The following AHNAK2 variants were observed in gnomAD, a reference collection of about 807,000 sequenced individuals.
The protein encoded by AHNAK2 is protein AHNAK2.
In AHNAK2, 18 loss-of-function variants were observed where a neutral mutation model predicts 30.7. That is an observed-to-expected ratio of 0.59 (90% CI 0.41 to 0.87). AHNAK2 has a LOEUF of 0.87. Among genes scored for constraint, AHNAK2 ranks in the 40% least tolerant of loss-of-function variants. The pLI is 0.00. For missense variants in AHNAK2, 8,604 were observed against 7,373.0 expected (o/e 1.17, Z -6.11); for synonymous variants, 3,590 against 3,073.8 (o/e 1.17, Z -5.56).
At position 104,952,929 on chromosome 14, in the gene AHNAK2, G is replaced by A. The variant is rs1898824596; in HGVS notation, c.2522C>T (p.Pro841Leu). Residue 841 changes from proline (P) to leucine (L), a missense_variant, in exon 7 of 7, where the codon CCA becomes CTA. Pro to Leu is a moderately conservative substitution (Grantham distance 98, BLOSUM62 -3). Transcript: ENST00000333244. ...GCCTGGGGCCGACACCCCGAATGAT[G>A]GCATCTTGAACTTGGGCATTTTGAA... ...SKFKMPKFKM[P>L]SFGVSAPGKS... 2.5e-6 allele frequency: 4 copies of A among 1,611,468 alleles called. No homozygotes were observed. The highest frequency in any genetic ancestry group is 2.5e-6 in the Non-Finnish European group (3 of 1,179,210).
chr14:104,943,643 C>A lies in AHNAK2; in HGVS notation c.11808G>T (p.Val3936=). 1 of 1,613,484 alleles carries A rather than the reference C, an allele frequency of 6.2e-7. No individual in the cohort carries two copies. Among genetic ancestry groups the A allele is most frequent in the Middle Eastern group, 1.7e-4 (1 of 6,056 alleles). ...DVEVSLPSVE[V]DVEAPGAKLD... Reference sequence around the variant, plus strand: ...GCTTGGCTCCTGGGGCCTCGACGTCCACCTCCACGCTGGGCAGAGAAACCT... The same window carrying A: ...GCTTGGCTCCTGGGGCCTCGACGTCAACCTCCACGCTGGGCAGAGAAACCT... Residue 3936 remains valine, a synonymous_variant, in exon 7 of 7, where the codon GTG becomes GTT. Coordinates refer to ENST00000333244, the MANE Select transcript of AHNAK2 (RefSeq NM_138420.4).
At chr14:104,959,206 T>C (rs908310597) in intron 1 of AHNAK2, among the ~76,000 whole-genome samples, 1 of 152,156 alleles carries the variant, frequency 6.6e-6, no homozygotes, top group African/African-American at 2.4e-5. Context: ...GGAGTCTCAC[T>C]CTGTCACCCA....
In AHNAK2 at chr14:104,950,149, G is replaced by T. The variant is rs1383830817; in HGVS notation, c.5302C>A (p.Leu1768Met). ...TCCGCCTTGGGGCCTTTCAGGTCCA[G>T]CTTGGGGCCCTTGACGTCCATCTGG... ...GPQMDVKGPK[L>M]DLKGPKAEVM... Residue 1768 changes from leucine to methionine, a missense_variant, in exon 7 of 7, where the codon CTG (leucine) becomes ATG (methionine). Leu to Met is a conservative substitution (Grantham distance 15, BLOSUM62 2). Transcript: ENST00000333244. 4 of 1,586,342 alleles carry T rather than the reference G, an allele frequency of 2.5e-6. No individual in the cohort carries two copies. The highest frequency in any genetic ancestry group is 3.4e-6 in the Non-Finnish European group (4 of 1,162,956).
At chr14:104,964,945 C>G (rs1899257472) in intron 1 of AHNAK2, among the ~76,000 whole-genome samples, 1 of 152,240 alleles carries the variant, frequency 6.6e-6, no homozygotes, top group Non-Finnish European at 1.5e-5. Flanking sequence ...AGAAAACCCA[C>G]AAGAAGAACC....
rs1255274884 is a variant in AHNAK2 at position 104,950,352 on chromosome 14, TC to T, written c.5098del (p.Asp1700ThrfsTer2). Reference protein sequence around the residue: ...ADVSLPSMQGDLKTTDLSIQS... With the variant: ...ADVSLPSMQGXLKTTDLSIQS... ...AATGCTGAGGTCAGTGGTCTTCAGG[TC>T]CCCCTGCATGGAGGGGAGGCTCACA... On this transcript the variant is annotated frameshift_variant, in exon 7 of 7. Coordinates refer to ENST00000333244, the MANE Select transcript of AHNAK2 (RefSeq NM_138420.4). LOFTEE classifies it low-confidence loss of function (END_TRUNC). The T allele has an allele frequency of 6.3e-7, 1 of 1,584,636 alleles. No individual in the cohort carries two copies. Among genetic ancestry groups the T allele is most frequent in the African/African-American group, 1.4e-5 (1 of 71,790 alleles).
chr14:104,954,039 G>A lies in AHNAK2; in HGVS notation c.1412C>T (p.Thr471Ile). 6.2e-7 allele frequency: 1 copy of A among 1,613,572 alleles called. No homozygotes were observed. Among genetic ancestry groups the A allele is most frequent in the Non-Finnish European group, 8.5e-7 (1 of 1,179,794 alleles). The stretch of plus-strand genomic sequence containing the variant: ...TGGGCCAATCTGTGTGCCTCCTTCG[G>A]TTGTGTCTCTCAAGGACAGTCTGGC... ...GIARLSLRDT[T>I]EGGTQIGPPE... Residue 471 changes from threonine (T) to isoleucine (I), a missense_variant, in exon 7 of 7, where the codon ACC (threonine) becomes ATC (isoleucine). Transcript: ENST00000333244. The surrounding 1 kb of genome is among the most constrained non-coding windows in gnomAD (Gnocchi z 4.3).
Position 104,945,736 on chromosome 14 carries a change from C to T in AHNAK2, c.9715G>A (p.Val3239Ile). ...LQMPSFKMPK[V>I]DRKGPQIDIK... ...TCTATCTGGGGGCCCTTGCGATCTA[C>T]TTTGGGCATCTTGAAACTGGGCATC... Residue 3239 changes from valine to isoleucine, a missense_variant, in exon 7 of 7, where the codon GTA becomes ATA. Physicochemically the swap from Val to Ile is conservative, Grantham distance 29. Coordinates refer to ENST00000333244, the MANE Select transcript of AHNAK2 (RefSeq NM_138420.4). 4.4e-6 allele frequency: 7 copies of T among 1,598,658 alleles called. No individual in the cohort carries two copies. Among genetic ancestry groups the T allele is most frequent in the Non-Finnish European group, 5.1e-6 (6 of 1,171,410 alleles).
In AHNAK2 at chr14:104,949,679, G is replaced by T. The variant is rs748455945; in HGVS notation, c.5772C>A (p.Pro1924=). ...FKMPKVDLKG[P]QTDVKGAKLD... is the part of the protein sequence containing the mutation. Reference sequence around the variant, plus strand: ...GCTTGGCGCCCTTAACATCTGTCTGGGGGCCCTTGAGGTCCACTTTGGGCA... The same window carrying T: ...GCTTGGCGCCCTTAACATCTGTCTGTGGGCCCTTGAGGTCCACTTTGGGCA... Residue 1924 remains proline (P), a synonymous_variant, in exon 7 of 7, where the codon CCC becomes CCA. Transcript: ENST00000333244. 1 of 1,587,184 alleles carries T rather than the reference G, an allele frequency of 6.3e-7. No homozygotes were observed. The highest frequency in any genetic ancestry group is 8.6e-7 in the Non-Finnish European group (1 of 1,162,874).
At chr14:104,976,038 G>A (rs764287727) in intron 1 of AHNAK2, among the ~76,000 whole-genome samples, 10 of 152,182 alleles carry the variant, frequency 6.6e-5, no homozygotes, top group Non-Finnish European at 1.0e-4. Flanking sequence ...TTCCCAACAC[G>A]GTGGTGCTTT....
Position 104,949,982 on chromosome 14 carries a change from G to T in AHNAK2, c.5469C>A (p.Phe1823Leu), listed in dbSNP as rs375980238. 6 of 1,588,314 alleles carry T rather than the reference G, an allele frequency of 3.8e-6. 1 individual carries two copies. In the Middle Eastern group the frequency reaches 5.0e-4, roughly 131 times the overall value. The change falls in exon 7 of 7, where the codon TTC becomes TTA. Residue 1823 changes from phenylalanine (F) to leucine (L), a missense_variant. By Grantham distance (22) the Phe-to-Leu change is conservative. Transcript: ENST00000333244. ...DKDVTAKDSK[F>L]KMPKFKMPSF... ...ACGGCATCTTGAACTTGGGCATTTT[G>T]AACTTGCTGTCTTTGGCAGTCACAT...
chr14:104,939,835 C>T lies in AHNAK2; in HGVS notation c.15616G>A (p.Asp5206Asn). ...RMPSLRRSFR[D>N]RGGAGKLEVA... is the part of the protein sequence containing the mutation. The stretch of plus-strand genomic sequence containing the variant: ...TCCAGCTTTCCAGCCCCGCCTCTGT[C>T]CCTGAAAGAGCGCCTAAGGCTGGGC... The change falls in exon 7 of 7, where the codon GAC becomes AAC. Residue 5206 changes from aspartate (D) to asparagine (N), a missense_variant. Transcript: ENST00000333244. The T allele has an allele frequency of 6.2e-7, 1 of 1,613,894 alleles. No individual in the cohort carries two copies. The highest frequency in any genetic ancestry group is 1.1e-5 in the South Asian group (1 of 91,088).
Position 104,952,304 on chromosome 14 carries a change from C to A in AHNAK2, c.3147G>T (p.Gln1049His), listed in dbSNP as rs751743588. Residue 1049 changes from glutamine (Q) to histidine (H), a missense_variant, in exon 7 of 7, where the codon CAG becomes CAT. Transcript: ENST00000333244. ...GDLKTTDLSI[Q>H]PASTDLKVQA... is the part of the protein sequence containing the mutation. ...GGACCTTCAGGTCAGTAGAAGCAGG[C>A]TGAATGCTGAGGTCAGTGGTCTTCA... The A allele has an allele frequency of 6.2e-7, 1 of 1,612,368 alleles. No homozygotes were observed. The highest frequency in any genetic ancestry group is 2.2e-5 in the East Asian group (1 of 44,744).
chr14:104,963,204 G>C (rs1899199660), intron 1 of AHNAK2, among the ~76,000 whole-genome samples: 2 of 152,178 alleles, frequency 1.3e-5, no homozygotes, highest in Non-Finnish European at 2.9e-5. Context: ...TGTTCAATAA[G>C]TACAAGGAAA....
In AHNAK2 at chr14:104,944,484, G is replaced by C. The variant is rs374971326; in HGVS notation, c.10967C>G (p.Ser3656Cys). ...AGACACATCCACCGAGGCCTCCATG[G>C]ACTTCCCTGGGGCCGATACCCTGAA... Reference protein sequence around the residue: ...PSFRVSAPGKSMEASVDVSAP... With the variant: ...PSFRVSAPGKCMEASVDVSAP... Residue 3656 changes from serine to cysteine, a missense_variant, in exon 7 of 7, where the codon TCC becomes TGC. By Grantham distance (112) the Ser-to-Cys change is moderately radical (BLOSUM62 -1). Coordinates refer to ENST00000333244, the MANE Select transcript of AHNAK2 (RefSeq NM_138420.4). The C allele has an allele frequency of 6.2e-7, 1 of 1,612,924 alleles. No individual in the cohort carries two copies. The highest frequency in any genetic ancestry group is 1.3e-5 in the African/African-American group (1 of 74,650).
Position 104,937,911 on chromosome 14 carries a change from C to A in AHNAK2, c.*152G>T. The A allele has an allele frequency of 1.3e-6, 1 of 795,080 alleles. No individual in the cohort carries two copies. The highest frequency in any genetic ancestry group is 2.8e-5 in the East Asian group (1 of 36,020). The allele number at this position is 795,080 out of a possible 1,614,324, so 49.3% of individuals were successfully genotyped here. ...TTTTAGGAGGGCTGTGTGATGGTGA[C>A]AAAGGTGTTCTGGTCATTTCTGCTC... On this transcript the variant is annotated 3_prime_UTR_variant, in exon 7 of 7. Coordinates refer to ENST00000333244, the MANE Select transcript of AHNAK2 (RefSeq NM_138420.4).
Position 104,954,207 on chromosome 14 carries a change from C to G in AHNAK2, c.1244G>C (p.Arg415Thr). ...CEGTPQEGGL[R>T]AARLHGKTLE... ...GGTCTTTCCATGGAGCCTGGCTGCCCTGAGTCCCCCTTCCTGAGGGGTTCC... is the reference window on the plus strand; with the variant it reads ...GGTCTTTCCATGGAGCCTGGCTGCCGTGAGTCCCCCTTCCTGAGGGGTTCC... The change falls in exon 7 of 7, where the codon AGG becomes ACG. Residue 415 changes from arginine (R) to threonine (T), a missense_variant. Arg to Thr is a moderately conservative substitution (Grantham distance 71, BLOSUM62 -1). Transcript: ENST00000333244. This position sits in a 1 kb window ranked among gnomAD's most constrained non-coding sequence, Gnocchi z 4.3. 6.2e-7 allele frequency: 1 copy of G among 1,610,752 alleles called. No individual in the cohort carries two copies. Among genetic ancestry groups the G allele is most frequent in the South Asian group, 1.1e-5 (1 of 91,076 alleles).
In AHNAK2 at chr14:104,941,157, G is replaced by A. The variant is rs367659944; in HGVS notation, c.14294C>T (p.Ala4765Val). 20 of 1,613,422 alleles carry A rather than the reference G, an allele frequency of 1.2e-5. No individual in the cohort carries two copies. Among genetic ancestry groups the A allele is most frequent in the Non-Finnish European group, 1.6e-5 (19 of 1,179,906 alleles). The part of the protein sequence containing the change: ...PSMQMPKVGF[A>V]GFPSSRLDLT... ...ATCAAGCCGGGATGATGGAAACCCAGCAAAACCCACCTTAGGCATCTGCAT... is the reference window on the plus strand; with the variant it reads ...ATCAAGCCGGGATGATGGAAACCCAACAAAACCCACCTTAGGCATCTGCAT... The change falls in exon 7 of 7, where the codon GCT becomes GTT. Residue 4765 changes from alanine to valine, a missense_variant. Ala to Val is a moderately conservative substitution (Grantham distance 64). Transcript: ENST00000333244.
intron 1 of AHNAK2, among the ~76,000 whole-genome samples, chr14:104,967,592 C>A (rs545085944): frequency 6.6e-6 from 1 of 152,346 alleles, no homozygotes; most frequent in African/African-American, 2.4e-5. Context: ...CAGTCCCCAG[C>A]CCCACCCTCA....
Position 104,950,747 on chromosome 14 carries a change from C to T in AHNAK2, c.4704G>A (p.Glu1568=). The change falls in exon 7 of 7, where the codon GAG becomes GAA. Residue 1568 remains glutamate (E), a synonymous_variant. Transcript: ENST00000333244. ...DVKLPEGPVS[E]GAGLKGHLPK... ...GCAGGTGCCCTTTGAGGCCGGCTCCCTCGGACACAGGGCCCTCTGGGAGTT... is the reference window on the plus strand; with the variant it reads ...GCAGGTGCCCTTTGAGGCCGGCTCCTTCGGACACAGGGCCCTCTGGGAGTT... 1 of 1,587,990 alleles carries T rather than the reference C, an allele frequency of 6.3e-7. No individual in the cohort carries two copies. The highest frequency in any genetic ancestry group is 8.6e-7 in the Non-Finnish European group (1 of 1,162,936).
Sources: allele counts gnomAD v4.1 joint callset (sites outside exome capture counted in the v4.1 genomes callset), GRCh38; gene constraint gnomAD v4.1.1; non-coding constraint Gnocchi (gnomAD v3.1); transcripts MANE v1.5; gene names NCBI Gene and HGNC (gene_info 2026-07-23, HGNC 2026-07-21).